The following SNTB1 variants were observed in gnomAD, a reference collection of about 807,000 sequenced individuals.
The protein encoded by SNTB1 is syntrophin beta 1, also known as beta-1-syntrophin.
SNTB1 carries 36 observed loss-of-function variants against 48.9 expected under a neutral mutation model. The observed-to-expected ratio is 0.74, with a 90% CI of 0.56 to 0.97. The LOEUF (loss-of-function observed/expected upper bound fraction) is 0.97. SNTB1 is among the 50% of genes least tolerant of loss of function. The probability of loss-of-function intolerance (pLI) is 0.00; values close to 1 mark genes in which losing one functional copy is unlikely to be tolerated. For missense variants in SNTB1, 786 were observed against 703.4 expected (o/e 1.12, Z -1.33); for synonymous variants, 299 against 294.6 (o/e 1.01, Z -0.15).
At chr8:120,780,170 C>G (rs1218113477) in intron 1 of SNTB1, among the ~76,000 whole-genome samples, 1 of 151,850 alleles carries the variant, frequency 6.6e-6, no homozygotes, top group East Asian at 1.9e-4. Flanking sequence ...AAAGAATTTC[C>G]AGAAAGAGGG....
intron 5 of SNTB1, among the ~76,000 whole-genome samples, chr8:120,543,672 G>C (rs746250642): frequency 6.6e-6 from 1 of 152,118 alleles, no homozygotes; most frequent in African/African-American, 2.4e-5. Context: ...GACAGTAGGC[G>C]GGGAGGCCTC....
At chr8:120,555,446 G>A (rs1752096899) in intron 4 of SNTB1, among the ~76,000 whole-genome samples, 1 of 152,166 alleles carries the variant, frequency 6.6e-6, no homozygotes, top group Admixed American at 6.5e-5. Context: ...TTATGCAAAT[G>A]GACTTTCCAG....
At chr8:120,786,063 C>T (rs1405418830) in intron 1 of SNTB1, among the ~76,000 whole-genome samples, 1 of 152,208 alleles carries the variant, frequency 6.6e-6, no homozygotes, top group Non-Finnish European at 1.5e-5. Flanking sequence ...CCTCCTACTC[C>T]CATCAGAGCT....
intron 1 of SNTB1, among the ~76,000 whole-genome samples, chr8:120,772,304 G>A (rs1819651154): frequency 6.6e-6 from 1 of 151,228 alleles, no homozygotes; most frequent in Non-Finnish European, 1.5e-5. Context: ...GGAGTGCAGT[G>A]GCGTGATCTC....
At chr8:120,796,382 G>A (rs902007852) in intron 1 of SNTB1, among the ~76,000 whole-genome samples, 1 of 152,008 alleles carries the variant, frequency 6.6e-6, no homozygotes, top group Non-Finnish European at 1.5e-5. Context: ...CTCGAAATAA[G>A]ATCGCATGTG....
intron 2 of SNTB1, among the ~76,000 whole-genome samples, chr8:120,667,570 T>C (rs1233812200): frequency 6.6e-6 from 1 of 152,216 alleles, no homozygotes; most frequent in Non-Finnish European, 1.5e-5. Context: ...CTTGCTTTGT[T>C]GCCCAGGCTG....
At chr8:120,675,455 T>G (rs1365070641) in intron 2 of SNTB1, among the ~76,000 whole-genome samples, 2 of 152,194 alleles carry the variant, frequency 1.3e-5, no homozygotes, top group East Asian at 3.9e-4. Context: ...ATATGCTGTA[T>G]GTCCACAAAG....
At chr8:120,546,929 T>C (rs1815390594) in intron 5 of SNTB1, among the ~76,000 whole-genome samples, 1 of 152,248 alleles carries the variant, frequency 6.6e-6, no homozygotes, top group Admixed American at 6.5e-5. Context: ...AACTGATTTT[T>C]GTTGGATCAG....
chr8:120,547,552 A>G (rs1212134704), intron 5 of SNTB1, among the ~76,000 whole-genome samples: 3 of 135,686 alleles, frequency 2.2e-5, no homozygotes, highest in African/African-American at 5.5e-5. Context: ...AGATCACGCT[A>G]TTGTACTCCA....
chr8:120,739,384 TG>T, intron 1 of SNTB1, among the ~76,000 whole-genome samples: 1 of 152,224 alleles, frequency 6.6e-6, no homozygotes, highest in East Asian at 1.9e-4. Flanking sequence ...CTTCCAACAA[TG>T]GGGGTTGTTC....
rs953438791 is a variant in SNTB1, at chr8:120,536,533, G to C, written c.*2344C>G. 6.6e-6 allele frequency: 1 copy of C among 152,096 alleles called. No individual in the cohort carries two copies. The allele number at this position is 152,096 out of a possible 1,614,324, so 9.4% of individuals were successfully genotyped here. A position where few individuals can be genotyped will look rare whatever the true frequency, so the allele number is the denominator to read the frequency against. On this transcript the variant is annotated 3_prime_UTR_variant, in exon 7 of 7. Coordinates refer to ENST00000517992, the MANE Select transcript of SNTB1 (RefSeq NM_021021.4). ...ATGAGTATTGGAAATTGATTCATTA[G>C]AGCCTCTCTATTATGATACATTTTA...
At chr8:120,583,555 ACACAC>A (rs1816084554) in intron 3 of SNTB1, among the ~76,000 whole-genome samples, 3 of 126,796 alleles carry the variant, frequency 2.4e-5, no homozygotes, top group African/African-American at 7.8e-5. Context: ...ACACACACAC[ACACAC>A]AAAACTGGAA....
chr8:120,656,547 C>A (rs1270147952), intron 2 of SNTB1, among the ~76,000 whole-genome samples: 1 of 152,120 alleles, frequency 6.6e-6, no homozygotes, highest in Non-Finnish European at 1.5e-5. Context: ...TCTTGCTCAG[C>A]TGATTTAAAA....
intron 2 of SNTB1, among the ~76,000 whole-genome samples, chr8:120,661,707 C>T (rs184383896): frequency 1.0e-3 from 159 of 152,262 alleles, no homozygotes; most frequent in African/African-American, 3.8e-3. Context: ...TCCATGTGAT[C>T]TCATTGTTCA....
intron 4 of SNTB1, among the ~76,000 whole-genome samples, chr8:120,553,485 T>C (rs1421881422): frequency 6.6e-6 from 1 of 152,234 alleles, no homozygotes; most frequent in Non-Finnish European, 1.5e-5. Flanking sequence ...ATACATGAGC[T>C]ATCTGCTGTA....
chr8:120,649,485 C>T (rs1817367740), intron 2 of SNTB1, among the ~76,000 whole-genome samples: 1 of 141,546 alleles, frequency 7.1e-6, no homozygotes, highest in African/African-American at 2.6e-5. Context: ...GCTCGGGGGT[C>T]AGGGGTCAGG....
chr8:120,625,064 T>C (rs1280342799), intron 3 of SNTB1, among the ~76,000 whole-genome samples: 1 of 152,198 alleles, frequency 6.6e-6, no homozygotes, highest in East Asian at 1.9e-4. Flanking sequence ...GGAAGTGGGC[T>C]GAAGTCATCC....
intron 1 of SNTB1, among the ~76,000 whole-genome samples, chr8:120,748,956 A>G (rs1052530478): frequency 1.3e-5 from 2 of 152,152 alleles, no homozygotes; most frequent in Non-Finnish European, 2.9e-5. Flanking sequence ...CCTTGTAGTG[A>G]TTTTTGTTAT....
chr8:120,769,341 T>A (rs957462775), intron 1 of SNTB1: 13 of 152,114 alleles, frequency 8.5e-5, no homozygotes, highest in African/African-American at 3.1e-4. Context: ...AGTAACATAG[T>A]AAATATGACC....
Sources: gnomAD v4.1 joint callset for allele counts (sites outside exome capture counted in the v4.1 genomes callset) on GRCh38, gnomAD v4.1.1 for gene constraint, MANE v1.5 for transcripts, NCBI Gene and HGNC (gene_info 2026-07-23, HGNC 2026-07-21) for gene names.